ABHD17C: variants seen among roughly 807,000 people sequenced by gnomAD.
ABHD17C encodes alpha/beta hydrolase domain-containing protein 17C.
A neutral mutation model predicts 27.9 loss-of-function variants in ABHD17C; 11 were observed. The observed-to-expected ratio is 0.39, with a 90% CI of 0.25 to 0.65. The LOEUF (loss-of-function observed/expected upper bound fraction) is 0.65, where lower values mean the gene tolerates loss of function less well. Ranked by LOEUF, ABHD17C falls within the 30% of genes least tolerant of loss-of-function variation. The pLI is 0.45. For missense variants in ABHD17C, 280 were observed against 470.2 expected (o/e 0.60, Z 3.74); for synonymous variants, 233 against 209.1 (o/e 1.11, Z -0.98).
chr15:80,751,220 C>A (rs191684119), intron 2 of ABHD17C, among the ~76,000 whole-genome samples: 1 of 151,744 alleles, frequency 6.6e-6, no homozygotes, highest in Non-Finnish European at 1.5e-5. Flanking sequence ...ATTAGACGAG[C>A]GTGGTGGTGC....
intron 1 of ABHD17C, among the ~76,000 whole-genome samples, chr15:80,748,277 T>C (rs1895317328): frequency 6.6e-6 from 1 of 152,252 alleles, no homozygotes; most frequent in South Asian, 2.1e-4. Context: ...GCATTTCATA[T>C]TGTCCTGTAA....
intron 2 of ABHD17C, among the ~76,000 whole-genome samples, chr15:80,753,380 A>G (rs1895389368): frequency 6.6e-6 from 1 of 152,212 alleles, no homozygotes; most frequent in African/African-American, 2.4e-5. Context: ...TGGAAAAACT[A>G]GTGAAATCCA....
At chr15:80,742,311 G>A (rs1895221706) in intron 1 of ABHD17C, among the ~76,000 whole-genome samples, 1 of 152,120 alleles carries the variant, frequency 6.6e-6, no homozygotes, top group African/African-American at 2.4e-5. Flanking sequence ...ATTCCCACTT[G>A]GAGGCCAAAG....
chr15:80,742,066 A>G (rs1184005842), intron 1 of ABHD17C, among the ~76,000 whole-genome samples: 1 of 152,194 alleles, frequency 6.6e-6, no homozygotes, highest in African/African-American at 2.4e-5. Flanking sequence ...ATATTTTCAG[A>G]CTGCAGTTGA....
chr15:80,734,065 A>G (rs540400623), intron 1 of ABHD17C, among the ~76,000 whole-genome samples: 3 of 151,898 alleles, frequency 2.0e-5, no homozygotes, highest in Non-Finnish European at 4.4e-5. Flanking sequence ...GCTCATTGCA[A>G]CTTCCACGTC....
At position 80,695,546 on chromosome 15, in the gene ABHD17C, G is replaced by A; in HGVS notation, c.117G>A (p.Glu39=). The A allele has an allele frequency of 7.4e-7, 1 of 1,351,076 alleles. No homozygotes were observed. Among genetic ancestry groups the A allele is most frequent in the South Asian group, 1.3e-5 (1 of 76,720 alleles). The allele number at this position is 1,351,076 out of a possible 1,614,324, so 83.7% of individuals were successfully genotyped here. The change falls in exon 1 of 3, where the codon GAG becomes GAA. Residue 39 remains glutamate, a synonymous_variant. Transcript: ENST00000258884. The surrounding 1 kb of genome is among the most constrained non-coding windows in gnomAD (Gnocchi z 4.3). The part of the protein sequence containing the change: ...IAAKLAFLPP[E]PTYTVLAPEQ... ...CCAAGCTGGCCTTCCTGCCGCCCGAGCCCACCTACACGGTGCTGGCGCCGG... is the reference window on the plus strand; with the variant it reads ...CCAAGCTGGCCTTCCTGCCGCCCGAACCCACCTACACGGTGCTGGCGCCGG...
intron 1 of ABHD17C, chr15:80,704,556 A>G (rs1358860939): frequency 1.3e-5 from 2 of 150,188 alleles, no homozygotes; most frequent in African/African-American, 2.4e-5. Flanking sequence ...AATAATAAAT[A>G]CATACGGCAA....
chr15:80,726,587 C>T (rs1269720901), intron 1 of ABHD17C, among the ~76,000 whole-genome samples: 1 of 120,122 alleles, frequency 8.3e-6, no homozygotes. Flanking sequence ...TCTTGGCTCA[C>T]TGCAAGCTCC....
intron 1 of ABHD17C, among the ~76,000 whole-genome samples, chr15:80,718,299 A>G (rs1214327950): frequency 2.6e-5 from 4 of 151,492 alleles, no homozygotes; most frequent in Non-Finnish European, 5.9e-5. Flanking sequence ...TCTATATTAA[A>G]TGTCTTCTTG....
Position 80,695,479 on chromosome 15 carries a change from G to T in ABHD17C, c.50G>T (p.Cys17Phe). 1 of 1,392,784 alleles carries T rather than the reference G, an allele frequency of 7.2e-7. No homozygotes were observed. Among genetic ancestry groups the T allele is most frequent in the Non-Finnish European group, 9.4e-7 (1 of 1,062,830 alleles). The allele number at this position is 1,392,784 out of a possible 1,614,324, so 86.3% of individuals were successfully genotyped here. ...RMNGFSLGEL[C>F]WLFCCPPCPS... ...AACGGCTTCTCGCTGGGTGAGCTGT[G>T]CTGGCTCTTCTGCTGCCCGCCCTGC... Residue 17 changes from cysteine to phenylalanine, a missense_variant, in exon 1 of 3, where the codon TGC (cysteine) becomes TTC (phenylalanine). This residue lies in a region of ABHD17C where 74 missense variants were observed against 75.5 expected (regional missense o/e 0.98). Coordinates refer to ENST00000258884, the MANE Select transcript of ABHD17C (RefSeq NM_021214.2). This position sits in a 1 kb window ranked among gnomAD's most constrained non-coding sequence, Gnocchi z 4.3.
At chr15:80,717,517 C>T (rs562104061) in intron 1 of ABHD17C, among the ~76,000 whole-genome samples, 1 of 152,146 alleles carries the variant, frequency 6.6e-6, no homozygotes, top group South Asian at 2.1e-4. Flanking sequence ...CCTCAGCCAC[C>T]TGAGTAGCTG....
intron 1 of ABHD17C, among the ~76,000 whole-genome samples, chr15:80,740,941 A>C (rs954989351): frequency 6.6e-6 from 1 of 152,190 alleles, no homozygotes; most frequent in Non-Finnish European, 1.5e-5. Context: ...GATTTCATGA[A>C]GTCCAGGGAG....
chr15:80,717,430 G>A (rs1297557073), intron 1 of ABHD17C, among the ~76,000 whole-genome samples: 1 of 139,674 alleles, frequency 7.2e-6, no homozygotes, highest in Non-Finnish European at 1.5e-5. Context: ...GACTCAATTT[G>A]TTGCGCAGGC....
chr15:80,701,138 C>T (rs1387997822), intron 1 of ABHD17C, among the ~76,000 whole-genome samples: 2 of 152,154 alleles, frequency 1.3e-5, no homozygotes, highest in Non-Finnish European at 2.9e-5. Context: ...CATGTCACAG[C>T]AAAGCTGTAG....
In ABHD17C at chr15:80,695,933, C is replaced by T; in HGVS notation, c.504C>T (p.Tyr168=). 6.3e-7 allele frequency: 1 copy of T among 1,596,898 alleles called. No homozygotes were observed. The highest frequency in any genetic ancestry group is 8.5e-7 in the Non-Finnish European group (1 of 1,179,094). ...RINCNIFSYD[Y]SGYGVSSGKP... is the part of the protein sequence containing the mutation. ...ACTGCAACATCTTCTCCTACGACTA[C>T]TCGGGATACGGCGTCAGCTCGGGCA... Residue 168 remains tyrosine, a synonymous_variant, in exon 1 of 3, where the codon TAC becomes TAT. Coordinates refer to ENST00000258884, the MANE Select transcript of ABHD17C (RefSeq NM_021214.2). This position sits in a 1 kb window ranked among gnomAD's most constrained non-coding sequence, Gnocchi z 4.3.
chr15:80,716,870 C>T (rs781595036), intron 1 of ABHD17C, among the ~76,000 whole-genome samples: 45 of 152,124 alleles, frequency 3.0e-4, no homozygotes, highest in African/African-American at 5.3e-4. Context: ...TCCTTCTCTC[C>T]GAACGCATCC....
chr15:80,731,202 C>A (rs1172676205), intron 1 of ABHD17C, among the ~76,000 whole-genome samples: 1 of 152,196 alleles, frequency 6.6e-6, no homozygotes, highest in Non-Finnish European at 1.5e-5. Flanking sequence ...ACCTCTTTAA[C>A]AACTGCCCTT....
At chr15:80,742,099 A>C (rs902270961) in intron 1 of ABHD17C, among the ~76,000 whole-genome samples, 2 of 152,234 alleles carry the variant, frequency 1.3e-5, no homozygotes, top group African/African-American at 4.8e-5. Flanking sequence ...TGAAACCGTG[A>C]AAAGCAAAAC....
Position 80,754,677 on chromosome 15 carries a change from A to C in ABHD17C, c.*307A>C. On this transcript the variant is annotated 3_prime_UTR_variant, in exon 3 of 3. Coordinates refer to ENST00000258884, the MANE Select transcript of ABHD17C (RefSeq NM_021214.2). Reference sequence around the variant, plus strand: ...AAAGTAGCCTCGCATCTGTTTCTCAACCTTATCCATCATTTCTGACATTCA... The same window carrying C: ...AAAGTAGCCTCGCATCTGTTTCTCACCCTTATCCATCATTTCTGACATTCA... 4.0e-6 allele frequency: 1 copy of C among 250,564 alleles called. No homozygotes were observed. The highest frequency in any genetic ancestry group is 7.7e-6 in the Non-Finnish European group (1 of 129,740). The allele number at this position is 250,564 out of a possible 1,614,324, so 15.5% of individuals were successfully genotyped here.
Sources: gnomAD v4.1 joint callset for allele counts (sites outside exome capture counted in the v4.1 genomes callset) on GRCh38, gnomAD v4.1.1 for gene constraint, gnomAD v4.1.1 regional missense constraint, Gnocchi (gnomAD v3.1) non-coding constraint, MANE v1.5 for transcripts, NCBI Gene and HGNC (gene_info 2026-07-23, HGNC 2026-07-21) for gene names.